Variants in KCNN2 observed in about 807,000 individuals in gnomAD.
The protein encoded by KCNN2 is small conductance calcium-activated potassium channel protein 2.
A neutral mutation model predicts 55.5 loss-of-function variants in KCNN2; 24 were observed. The observed-to-expected ratio is 0.43, with a 90% CI of 0.31 to 0.61. The LOEUF is 0.61. Ranked by LOEUF, KCNN2 falls within the 20% of genes least tolerant of loss-of-function variation. The pLI is 0.08. For missense variants in KCNN2, 754 were observed against 853.6 expected, an observed-to-expected ratio of 0.88 and a Z score of 1.45; for synonymous variants, 431 against 336.1, an observed-to-expected ratio of 1.28 and a Z score of -3.09.
At chr5:114,118,929 C>T (rs1308802093) in intron 1 of KCNN2, among the ~76,000 whole-genome samples, 1 of 151,986 alleles carries the variant, frequency 6.6e-6, no homozygotes, top group Non-Finnish European at 1.5e-5. Context: ...GGATATAGAC[C>T]ATGGAGACTG....
chr5:114,150,416 C>G (rs1348586101), intron 1 of KCNN2, among the ~76,000 whole-genome samples: 1 of 152,134 alleles, frequency 6.6e-6, no homozygotes, highest in Non-Finnish European at 1.5e-5. Context: ...ATTCTTTTGC[C>G]TATAACAGAA....
intron 2 of KCNN2, among the ~76,000 whole-genome samples, chr5:114,338,950 A>T (rs2150035810): frequency 6.6e-6 from 1 of 152,344 alleles, no homozygotes; most frequent in Non-Finnish European, 1.5e-5. Flanking sequence ...GAAAAATGTG[A>T]ATTTCAGGAA....
At chr5:114,480,760 A>ACACAGTTCTCTC (rs1762188707) in intron 5 of KCNN2, among the ~76,000 whole-genome samples, 1 of 152,214 alleles carries the variant, frequency 6.6e-6, no homozygotes. Context: ...AACTAAGGAC[A>ACACAGTTCTCTC]AAAACCACAC....
intron 2 of KCNN2, among the ~76,000 whole-genome samples, chr5:114,291,134 T>G (rs1209681457): frequency 6.6e-6 from 1 of 152,030 alleles, no homozygotes; most frequent in Non-Finnish European, 1.5e-5. Flanking sequence ...ATATGAAATA[T>G]AGTTATTAAA....
At chr5:114,204,346 C>G (rs1753728692) in intron 1 of KCNN2, among the ~76,000 whole-genome samples, 1 of 152,052 alleles carries the variant, frequency 6.6e-6, no homozygotes, top group Admixed American at 6.6e-5. Context: ...TTCACTTTTC[C>G]AGCTACTGAA....
chr5:114,450,384 C>T (rs148259825), intron 3 of KCNN2, among the ~76,000 whole-genome samples: 10 of 152,086 alleles, frequency 6.6e-5, no homozygotes, highest in African/African-American at 9.7e-5. Flanking sequence ...ATGCCTGGCA[C>T]GCAGCAGGAG....
chr5:114,159,216 T>C (rs922771202), intron 1 of KCNN2, among the ~76,000 whole-genome samples: 2 of 152,102 alleles, frequency 1.3e-5, no homozygotes, highest in Admixed American at 1.3e-4. Context: ...GCATGAAGGG[T>C]TGTTGAATTT....
intron 1 of KCNN2, among the ~76,000 whole-genome samples, chr5:114,114,737 C>G (rs1751677697): frequency 6.6e-6 from 1 of 152,088 alleles, no homozygotes; most frequent in Non-Finnish European, 1.5e-5. Flanking sequence ...TCTAATCAAT[C>G]ATCTAATCAG....
chr5:114,330,446 T>C (rs528583140), intron 2 of KCNN2, among the ~76,000 whole-genome samples: 11 of 152,242 alleles, frequency 7.2e-5, no homozygotes, highest in Non-Finnish European at 1.5e-4. Context: ...GACTGTAACT[T>C]TTCATTTTAA....
rs536721334 is a variant in KCNN2, at chr5:114,450,108, T to C, written c.1638-12941T>C. ...ACTGCCCGCCACACCGTTCTTTGCC[T>C]CTGAGGTGCCGTGCATCCGTCAGCT... On this transcript the variant is annotated intron_variant, in intron 3 of 7. Transcript: ENST00000673685. 2.0e-5 allele frequency among the ~76,000 whole-genome samples: 3 copies of C among 152,316 alleles called. No homozygotes were observed. The South Asian group carries it at 6.2e-4, about 32-fold the overall frequency.
chr5:114,225,249 C>A (rs1754217101), intron 2 of KCNN2, among the ~76,000 whole-genome samples: 1 of 152,098 alleles, frequency 6.6e-6, no homozygotes, highest in African/African-American at 2.4e-5. Context: ...CTAATTAATT[C>A]TCTTAAATCC....
chr5:114,216,465 TGTC>T (rs1268710462), intron 1 of KCNN2, among the ~76,000 whole-genome samples: 2 of 152,180 alleles, frequency 1.3e-5, no homozygotes, highest in Non-Finnish European at 2.9e-5. Context: ...CTCACAATGT[TGTC>T]ATTGGACCAT....
Position 114,159,629 on chromosome 5 carries a change from G to C in KCNN2, c.-270-61851G>C, listed in dbSNP as rs1166588263. ...TAGAATTCAGCTGTGAGTCCATCTGGTCCTGGACTTTTTTTGGTTGGTAAG... is the reference window on the plus strand; with the variant it reads ...TAGAATTCAGCTGTGAGTCCATCTGCTCCTGGACTTTTTTTGGTTGGTAAG... On this transcript the variant is annotated intron_variant, in intron 1 of 10. Coordinates refer to the KCNN2 transcript ENST00000512097. Among the ~76,000 whole-genome samples the C allele has an allele frequency of 2.0e-5, 3 of 152,044 alleles. No homozygotes were observed. In the East Asian group the frequency reaches 5.8e-4, roughly 29 times the overall value.
At chr5:114,288,813 G>T (rs1427969466) in intron 2 of KCNN2, among the ~76,000 whole-genome samples, 2 of 152,008 alleles carry the variant, frequency 1.3e-5, no homozygotes, top group East Asian at 1.9e-4. Flanking sequence ...CCTGTAGGTT[G>T]TCTTTTCACC....
chr5:114,290,119 A>T (rs1229378657), intron 2 of KCNN2, among the ~76,000 whole-genome samples: 1 of 152,192 alleles, frequency 6.6e-6, no homozygotes, highest in East Asian at 1.9e-4. Context: ...GTGGCCTCAT[A>T]GAATGAGTTA....
intron 1 of KCNN2, chr5:114,056,635 A>G: frequency 2.6e-6 from 1 of 389,570 alleles, no homozygotes; most frequent in Non-Finnish European, 4.5e-6. Context: ...TTTCTCCAGC[A>G]CCCACTCATA....
At chr5:114,065,780 T>C (rs1750432246) in intron 1 of KCNN2, among the ~76,000 whole-genome samples, 2 of 150,708 alleles carry the variant, frequency 1.3e-5, no homozygotes, top group African/African-American at 4.9e-5. Context: ...ATGCTTTATA[T>C]CTTCCAAAAA....
At chr5:114,150,888 G>T (rs1361434092) in intron 1 of KCNN2, among the ~76,000 whole-genome samples, 2 of 152,104 alleles carry the variant, frequency 1.3e-5, no homozygotes, top group East Asian at 1.9e-4. Context: ...ATGCATGGTG[G>T]TGCATGCCTG....
intron 1 of KCNN2, among the ~76,000 whole-genome samples, chr5:114,220,879 T>C (rs75339159): frequency 6.8e-6 from 1 of 146,702 alleles, no homozygotes; most frequent in African/African-American, 2.5e-5. Flanking sequence ...GATCAGAAGA[T>C]AGGTCGAAAA....
Sources: gnomAD v4.1 joint callset for allele counts (sites outside exome capture counted in the v4.1 genomes callset) on GRCh38, gnomAD v4.1.1 for gene constraint, MANE v1.5 for transcripts, NCBI Gene and HGNC (gene_info 2026-07-23, HGNC 2026-07-21) for gene names.